The following OSBPL5 variants were observed in gnomAD, a reference collection of about 807,000 sequenced individuals.
OSBPL5 encodes oxysterol-binding protein-related protein 5.
In OSBPL5, 71 loss-of-function variants were observed where a neutral mutation model predicts 111.2. The observed-to-expected ratio is 0.64, with a 90% CI of 0.53 to 0.78. The LOEUF is 0.78. Among genes scored for constraint, OSBPL5 ranks in the 30% least tolerant of loss-of-function variants. OSBPL5 has a pLI of 0.00. For missense variants in OSBPL5, 1,210 were observed against 1,189.3 expected, an observed-to-expected ratio of 1.02 and a Z score of -0.26; for synonymous variants, 549 against 513.9, an observed-to-expected ratio of 1.07 and a Z score of -0.93.
At chr11:3,118,883 T>G (rs1858302335) in intron 7 of OSBPL5, among the ~76,000 whole-genome samples, 1 of 151,938 alleles carries the variant, frequency 6.6e-6, no homozygotes, top group Admixed American at 6.5e-5. Context: ...AAAATAAACT[T>G]TCTAAATTAA....
chr11:3,143,299 C>T (rs1419307446), intron 1 of OSBPL5, among the ~76,000 whole-genome samples: 6 of 151,554 alleles, frequency 4.0e-5, no homozygotes, highest in Non-Finnish European at 5.9e-5. Flanking sequence ...CGTGGACCAG[C>T]GACCGGCTCC....
At chr11:3,094,366 G>A (rs1400460908) in intron 14 of OSBPL5, 32 bp from the exon 15 acceptor site, 1 of 1,590,568 alleles carries the variant, frequency 6.3e-7, no homozygotes, top group Non-Finnish European at 8.6e-7. Context: ...GGGCCAGGCG[G>A]CCCCAGCCCT....
chr11:3,151,714 C>T (rs181601617), intron 1 of OSBPL5, among the ~76,000 whole-genome samples: 237 of 152,354 alleles, frequency 1.6e-3, no homozygotes, highest in African/African-American at 5.2e-3. Context: ...GGTGACTCCT[C>T]GGAGAATGGT....
chr11:3,101,684 G>A lies in OSBPL5; in HGVS notation c.1441C>T (p.Pro481Ser), dbSNP rs1857460637. 1 of 1,613,740 alleles carries A rather than the reference G, an allele frequency of 6.2e-7. No individual in the cohort carries two copies. Among genetic ancestry groups the A allele is most frequent in the Non-Finnish European group, 8.5e-7 (1 of 1,179,970 alleles). Residue 481 changes from proline (P) to serine (S), a missense_variant, in exon 13 of 22, where the codon CCC becomes TCC. Pro to Ser is a moderately conservative substitution (Grantham distance 74, BLOSUM62 -1). Coordinates refer to ENST00000263650, the MANE Select transcript of OSBPL5 (RefSeq NM_020896.4). ...YIAEQVSHHP[P>S]VSAFHVSNRK... ...TTGCTGACGTGGAAGGCAGACACGG[G>A]CGGGTGGTGGGACACCTGCGTGCAG...
Position 3,107,441 on chromosome 11 carries a change from G to C in OSBPL5, c.881C>G (p.Ser294Cys). The C allele has an allele frequency of 3.7e-6, 6 of 1,614,010 alleles. No homozygotes were observed. Among genetic ancestry groups the C allele is most frequent in the Non-Finnish European group, 3.4e-6 (4 of 1,179,978 alleles). ...GTCTGAGAATGCATCGTTCTCCAGG[G>C]AAGACCCGTTCAGTCTGGAAGGTGG... Reference protein sequence around the residue: ...DQDLFPLNGSSLENDAFSDKS... With the variant: ...DQDLFPLNGSCLENDAFSDKS... Residue 294 changes from serine to cysteine, a missense_variant, in exon 9 of 22, where the codon TCC becomes TGC. By Grantham distance (112) the Ser-to-Cys change is moderately radical. Coordinates refer to ENST00000263650, the MANE Select transcript of OSBPL5 (RefSeq NM_020896.4). The surrounding 1 kb of genome is among the most constrained non-coding windows in gnomAD (Gnocchi z 6.1).
intron 10 of OSBPL5, 35 bp from the exon 11 acceptor site, chr11:3,103,355 C>CG: frequency 1.3e-6 from 2 of 1,563,654 alleles, no homozygotes; most frequent in African/African-American, 1.4e-5. Flanking sequence ...ACCCCAGCTC[C>CG]GGGGGCCGTG....
intron 1 of OSBPL5, among the ~76,000 whole-genome samples, chr11:3,150,588 G>A (rs910268876): frequency 4.3e-4 from 65 of 152,308 alleles, no homozygotes; most frequent in African/African-American, 1.3e-3. Flanking sequence ...AGAGGCCAGC[G>A]GCCTGTGGTG....
At position 3,122,426 on chromosome 11, in the gene OSBPL5, T is replaced by C. The variant is rs1162169759; in HGVS notation, c.222A>G (p.Ala74=). 6.2e-7 allele frequency: 1 copy of C among 1,613,494 alleles called. No individual in the cohort carries two copies. The highest frequency in any genetic ancestry group is 1.3e-5 in the African/African-American group (1 of 75,036). The change falls in exon 4 of 22, where the codon GCA becomes GCG. Residue 74 remains alanine, a splice_region_variant and synonymous_variant. Coordinates refer to ENST00000263650, the MANE Select transcript of OSBPL5 (RefSeq NM_020896.4). ...CTGACCCGTTGCACAGCCTGTACTC[T>C]GCCTGAAAGAGAGAGGTGGGTATGC... ...TPSSATKVPP[A]EYRLCNGSDK... is the part of the protein sequence containing the mutation.
intron 1 of OSBPL5, among the ~76,000 whole-genome samples, chr11:3,148,793 G>A (rs986451502): frequency 4.6e-5 from 7 of 152,232 alleles, no homozygotes; most frequent in Admixed American, 1.3e-4. Flanking sequence ...GGGAGGCTAA[G>A]GGTTTTTAAG....
chr11:3,120,292 A>T (rs1255444716), intron 6 of OSBPL5, 129 bp downstream of exon 6: 10 of 1,128,916 alleles, frequency 8.9e-6, no homozygotes, highest in Non-Finnish European at 1.3e-5. Flanking sequence ...GGCTCAGAGA[A>T]GGTGAGACAC....
intron 13 of OSBPL5, 78 bp from the exon 14 acceptor site, chr11:3,100,334 TCTGAGCTCCTTCCAACAG>T: frequency 7.8e-7 from 1 of 1,283,224 alleles, no homozygotes; most frequent in South Asian, 1.2e-5. Context: ...AGTCACAGGG[TCTGAGCTCCTTCCAACAG>T]CTGAACACGC....
Position 3,122,333 on chromosome 11 carries a change from C to G in OSBPL5, c.300+15G>C. ...GACAGTGACACTGCTGCACCCTCCC[C>G]GGGCCCGGGCTCACCTTGAGAGTCT... On this transcript the variant is annotated intron_variant, in intron 4 of 21. Coordinates refer to ENST00000263650, the MANE Select transcript of OSBPL5 (RefSeq NM_020896.4). 6.2e-7 allele frequency: 1 copy of G among 1,610,634 alleles called. No homozygotes were observed. Among genetic ancestry groups the G allele is most frequent in the Non-Finnish European group, 8.5e-7 (1 of 1,178,454 alleles).
In OSBPL5 at chr11:3,105,411, C is replaced by G. The variant is rs1301029756; in HGVS notation, c.1060-1034G>C. ...ACAGTGTGTGTGGACACCCAGGAGC[C>G]ATGTCTGACCCCATGAGGGGTCATG... is the stretch of plus-strand genomic sequence containing the variant. On this transcript the variant is annotated intron_variant, in intron 9 of 21. Coordinates refer to ENST00000263650, the MANE Select transcript of OSBPL5 (RefSeq NM_020896.4). The surrounding 1 kb of genome is among the most constrained non-coding windows in gnomAD (Gnocchi z 5.2). 2.0e-5 allele frequency among the ~76,000 whole-genome samples: 3 copies of G among 152,144 alleles called. No homozygotes were observed. In the East Asian group the frequency reaches 5.8e-4, roughly 29 times the overall value.
chr11:3,157,170 T>C (rs116399118), intron 1 of OSBPL5, among the ~76,000 whole-genome samples: 61 of 152,202 alleles, frequency 4.0e-4, no homozygotes, highest in African/African-American at 1.4e-3. Context: ...GCCAAACACA[T>C]GGGAGCAGAC....
At chr11:3,131,591 T>TCATCCATC (rs149476927) in intron 1 of OSBPL5, among the ~76,000 whole-genome samples, 3 of 126,394 alleles carry the variant, frequency 2.4e-5, no homozygotes, top group Non-Finnish European at 3.3e-5. Context: ...ATCCACCCAT[T>TCATCCATC]CATCCATCCA....
rs1439455716 is a variant in OSBPL5 at position 3,122,173 on chromosome 11, A to G, written c.301-75T>C. 5 of 1,455,952 alleles carry G rather than the reference A, an allele frequency of 3.4e-6. No homozygotes were observed. In the South Asian group the frequency reaches 4.9e-5, roughly 14 times the overall value. 90.2% of individuals were successfully genotyped at this position (1,455,952 alleles called of 1,614,324 possible). On this transcript the variant is annotated intron_variant, in intron 4 of 21. Transcript: ENST00000263650. ...CCCAGCTCCTCCCACCGTCCAGCCC[A>G]GGGATGGGTCCAGGGGCAGGGGCAG...
At chr11:3,132,009 GCATCCATCCATC>G (rs57904462) in intron 1 of OSBPL5, among the ~76,000 whole-genome samples, 12 of 40,164 alleles carry the variant, frequency 3.0e-4, no homozygotes, top group East Asian at 2.6e-3. Flanking sequence ...TCCCTTTCAG[GCATCCATCCATC>G]CATCCATCCA....
chr11:3,129,199 G>C (rs1351950018), intron 1 of OSBPL5, 30 bp from the exon 2 acceptor site: 6 of 1,362,800 alleles, frequency 4.4e-6, no homozygotes, highest in South Asian at 1.8e-5. Context: ...GGCAGCAGGA[G>C]GTCACCGCCC....
At chr11:3,136,653 G>A (rs1285540852) in intron 1 of OSBPL5, among the ~76,000 whole-genome samples, 1 of 152,226 alleles carries the variant, frequency 6.6e-6, no homozygotes, top group Non-Finnish European at 1.5e-5. Flanking sequence ...CTGAGTCAGG[G>A]AGATGATGTC....
Sources: gnomAD v4.1 joint callset for allele counts (sites outside exome capture counted in the v4.1 genomes callset) on GRCh38, gnomAD v4.1.1 for gene constraint, Gnocchi (gnomAD v3.1) non-coding constraint, MANE v1.5 for transcripts, NCBI Gene and HGNC (gene_info 2026-07-23, HGNC 2026-07-21) for gene names.